Variants in CNTN1 observed in about 807,000 individuals in gnomAD.
CNTN1 encodes contactin-1.
CNTN1 carries 38 observed loss-of-function variants against 126.4 expected under a neutral mutation model. That is an observed-to-expected ratio of 0.30 (90% CI 0.23 to 0.39). CNTN1 has a LOEUF of 0.39. Among genes scored for constraint, CNTN1 ranks in the 10% least tolerant of loss-of-function variants. The pLI, the probability that CNTN1 is intolerant of heterozygous loss-of-function variation, is 1.00. For synonymous variants in CNTN1, 413 were observed against 422.6 expected (o/e 0.98, Z 0.28); for missense variants, 1,009 against 1,248.4 (o/e 0.81, Z 2.89).
At chr12:40,843,077 C>T (rs545421652) in intron 1 of CNTN1, among the ~76,000 whole-genome samples, 1 of 152,276 alleles carries the variant, frequency 6.6e-6, no homozygotes, top group Non-Finnish European at 1.5e-5. Context: ...CTGTCAGCTT[C>T]TCTGAATACG....
Position 40,718,432 on chromosome 12 carries a change from G to A in CNTN1, c.-77+25840G>A, listed in dbSNP as rs1942104194. On this transcript the variant is annotated intron_variant, in intron 1 of 23. Transcript: ENST00000551295. ...CTGACCTCATAATCCGCCCGCCTGG[G>A]CCTCCCAAAGTGCTGGGATTACAGG... 1.3e-5 allele frequency among the ~76,000 whole-genome samples: 2 copies of A among 152,090 alleles called. 1 individual carries two copies. The highest frequency in any genetic ancestry group is 4.1e-4 in the South Asian group (2 of 4,830).
chr12:40,919,492 A>G (rs1299789454), intron 4 of CNTN1, among the ~76,000 whole-genome samples: 1 of 152,200 alleles, frequency 6.6e-6, no homozygotes, highest in East Asian at 1.9e-4. Flanking sequence ...CAATGGTTCC[A>G]TGAAGACAAA....
At chr12:40,758,728 C>A (rs2136411433) in intron 1 of CNTN1, among the ~76,000 whole-genome samples, 1 of 152,064 alleles carries the variant, frequency 6.6e-6, no homozygotes, top group South Asian at 2.1e-4. Context: ...TTATACCGCA[C>A]CCACTTATAT....
intron 1 of CNTN1, among the ~76,000 whole-genome samples, chr12:40,720,003 A>ATTT (rs561694238): frequency 8.6e-5 from 11 of 127,222 alleles, no homozygotes; most frequent in South Asian, 2.5e-4. Flanking sequence ...CGCCCGGTTA[A>ATTT]TTTTTTTTTT....
At chr12:40,747,305 A>ATGTGTGTGTGTG (rs58826763) in intron 1 of CNTN1, among the ~76,000 whole-genome samples, 19,257 of 148,220 alleles carry the variant, frequency 0.13, 1,448 homozygotes, top group East Asian at 0.31. Context: ...TTGTGAAGGG[A>ATGTGTGTGTGTG]TGTGTGTGTG....
At chr12:40,715,542 G>A (rs543580870) in intron 1 of CNTN1, among the ~76,000 whole-genome samples, 16 of 152,152 alleles carry the variant, frequency 1.1e-4, no homozygotes, top group Admixed American at 3.9e-4. Flanking sequence ...GTCTTCCAGG[G>A]CTTGATTTGA....
rs947253413 is a variant in CNTN1 at position 41,004,025 on chromosome 12, T to C, written c.2114-10203T>C. On this transcript the variant is annotated intron_variant, in intron 17 of 23. Coordinates refer to ENST00000551295, the MANE Select transcript of CNTN1 (RefSeq NM_001843.4). ...GCTCTTTGTTCTCTAGTTTTTTTAG[T>C]TGTGATTTTAGGTTTTTAACTTGAG... 2.0e-5 allele frequency among the ~76,000 whole-genome samples: 3 copies of C among 152,148 alleles called. No individual in the cohort carries two copies. In the East Asian group the frequency reaches 5.8e-4, roughly 29 times the overall value.
chr12:40,721,470 T>A (rs981070970), intron 1 of CNTN1, among the ~76,000 whole-genome samples: 1 of 152,094 alleles, frequency 6.6e-6, no homozygotes, highest in South Asian at 2.1e-4. Flanking sequence ...TGATTCTCAA[T>A]CTCAAAACTT....
intron 1 of CNTN1, among the ~76,000 whole-genome samples, chr12:40,776,321 T>A (rs1939575895): frequency 6.6e-6 from 1 of 151,672 alleles, no homozygotes; most frequent in South Asian, 2.1e-4. Flanking sequence ...CAAAATTCAC[T>A]GAATTGCACA....
At chr12:40,765,343 G>A (rs1939037194) in intron 1 of CNTN1, among the ~76,000 whole-genome samples, 1 of 152,144 alleles carries the variant, frequency 6.6e-6, no homozygotes, top group South Asian at 2.1e-4. Flanking sequence ...AAGTGGAGAT[G>A]TCAATCCAGG....
intron 17 of CNTN1, 66 bp downstream of exon 17, chr12:40,993,335 G>A: frequency 7.5e-7 from 1 of 1,335,398 alleles, no homozygotes; most frequent in Non-Finnish European, 1.1e-6. Flanking sequence ...TTCATATATG[G>A]TTGAATGTAT....
intron 23 of CNTN1, among the ~76,000 whole-genome samples, chr12:41,042,810 C>A (rs1592450430): frequency 6.6e-6 from 1 of 152,114 alleles, no homozygotes; most frequent in African/African-American, 2.4e-5. Flanking sequence ...AGATATAGAT[C>A]AATGGAACAG....
At chr12:40,928,556 T>A (rs12304414) in intron 6 of CNTN1, among the ~76,000 whole-genome samples, 27,507 of 151,990 alleles carry the variant, frequency 0.18, 2,507 homozygotes, top group African/African-American at 0.22. Flanking sequence ...CCTCTTTTTA[T>A]CTGTATTCTG....
intron 1 of CNTN1, among the ~76,000 whole-genome samples, chr12:40,808,494 G>A (rs1176473768): frequency 6.6e-6 from 1 of 152,126 alleles, no homozygotes; most frequent in Non-Finnish European, 1.5e-5. Flanking sequence ...TAAAATAGGT[G>A]TAAATAATCT....
chr12:41,041,589 C>A (rs1272525537), intron 23 of CNTN1, among the ~76,000 whole-genome samples: 1 of 152,176 alleles, frequency 6.6e-6, no homozygotes, highest in African/African-American at 2.4e-5. Flanking sequence ...GCCACAATTT[C>A]AGAGCCTGTT....
At chr12:40,721,788 G>A (rs1942223674) in intron 1 of CNTN1, among the ~76,000 whole-genome samples, 1 of 147,204 alleles carries the variant, frequency 6.8e-6, no homozygotes, top group South Asian at 2.2e-4. Flanking sequence ...ATCTATGAGT[G>A]AGAACATGCA....
chr12:41,036,577 T>C (rs1949271479), intron 23 of CNTN1, among the ~76,000 whole-genome samples: 1 of 152,066 alleles, frequency 6.6e-6, no homozygotes, highest in Admixed American at 6.6e-5. Flanking sequence ...GATGTTGAAG[T>C]GATATGATGA....
At chr12:40,992,976 C>A in intron 16 of CNTN1, 144 bp from the exon 17 acceptor site, 1 of 694,826 alleles carries the variant, frequency 1.4e-6, no homozygotes, top group Non-Finnish European at 2.4e-6. Flanking sequence ...TTGAATTTAA[C>A]ATTTTGTCAT....
chr12:40,933,771 C>T lies in CNTN1; in HGVS notation c.878C>T (p.Ala293Val). The stretch of plus-strand genomic sequence containing the variant: ...ACTGCTGAGATTAGCACCTCTGGGG[C>T]TGTTCTTAAGATCTTCAATATTCAG... ...PSTAEISTSG[A>V]VLKIFNIQLE... is the part of the protein sequence containing the mutation. The change falls in exon 9 of 24, where the codon GCT becomes GTT. Residue 293 changes from alanine to valine, a missense_variant. Physicochemically the swap from Ala to Val is moderately conservative, Grantham distance 64. Transcript: ENST00000551295. 1 of 1,612,742 alleles carries T rather than the reference C, an allele frequency of 6.2e-7. No homozygotes were observed. The highest frequency in any genetic ancestry group is 8.5e-7 in the Non-Finnish European group (1 of 1,179,104).
Sources: allele counts gnomAD v4.1 joint callset (sites outside exome capture counted in the v4.1 genomes callset), GRCh38; gene constraint gnomAD v4.1.1; transcripts MANE v1.5; gene names NCBI Gene and HGNC (gene_info 2026-07-23, HGNC 2026-07-21).